The following IMMP2L variants were observed in gnomAD, a reference collection of about 807,000 sequenced individuals.
IMMP2L encodes inner mitochondrial membrane peptidase subunit 2.
IMMP2L carries 18 observed loss-of-function variants against 19.3 expected under a neutral mutation model. That is an observed-to-expected ratio of 0.93 (90% CI 0.64 to 1.38). The LOEUF (loss-of-function observed/expected upper bound fraction) is 1.38. Ranked by LOEUF, IMMP2L falls within the 40% of genes most tolerant of loss-of-function variation. The pLI is 0.00. For missense variants in IMMP2L, 233 were observed against 218.2 expected (o/e 1.07, Z -0.43); for synonymous variants, 76 against 73.0 (o/e 1.04, Z -0.21).
intron 5 of IMMP2L, among the ~76,000 whole-genome samples, chr7:110,726,289 C>T (rs1444793180): frequency 6.6e-6 from 1 of 152,176 alleles, no homozygotes; most frequent in African/African-American, 2.4e-5. Flanking sequence ...AAATATATAA[C>T]ACTCCTTTCT....
intron 3 of IMMP2L, among the ~76,000 whole-genome samples, chr7:111,067,557 C>T (rs760941866): frequency 3.3e-5 from 5 of 152,204 alleles, no homozygotes; most frequent in Non-Finnish European, 5.9e-5. Flanking sequence ...TGGAAAAGCA[C>T]ATTTGTAATT....
chr7:110,797,207 C>T (rs1446675330), intron 5 of IMMP2L, among the ~76,000 whole-genome samples: 6 of 151,772 alleles, frequency 4.0e-5, no homozygotes, highest in African/African-American at 1.2e-4. Flanking sequence ...AAAAAAAATG[C>T]TATGAAATTT....
At chr7:110,699,734 C>G (rs1338998895) in intron 5 of IMMP2L, among the ~76,000 whole-genome samples, 1 of 145,736 alleles carries the variant, frequency 6.9e-6, no homozygotes, top group Non-Finnish European at 1.5e-5. Context: ...CACCACTGCA[C>G]TTCAGTCTGG....
chr7:111,016,832 G>C lies in IMMP2L; in HGVS notation c.240-53267C>G, dbSNP rs28857791. 3.8e-3 allele frequency among the ~76,000 whole-genome samples: 181 copies of C among 48,178 alleles called. 1 individual carries two copies. Among genetic ancestry groups the C allele is most frequent in the Non-Finnish European group, 3.9e-3 (101 of 26,046 alleles). 31.6% of individuals were successfully genotyped at this position (48,178 alleles called of 152,430 possible). On this transcript the variant is annotated intron_variant, in intron 3 of 5. Transcript: ENST00000405709. Reference sequence around the variant, plus strand: ...TACTATATATTATATATAATATATAGTATATATTATATATAATATATATTA... The same window carrying C: ...TACTATATATTATATATAATATATACTATATATTATATATAATATATATTA...
chr7:111,156,079 T>A (rs982046136), intron 3 of IMMP2L, among the ~76,000 whole-genome samples: 1 of 152,130 alleles, frequency 6.6e-6, no homozygotes, highest in Non-Finnish European at 1.5e-5. Flanking sequence ...TAATTTTATA[T>A]CTACAAGATT....
chr7:110,887,108 C>A, intron 4 of IMMP2L, among the ~76,000 whole-genome samples: 1 of 151,894 alleles, frequency 6.6e-6, no homozygotes, highest in African/African-American at 2.4e-5. Context: ...TCATTTTTTT[C>A]GGTCAAACTT....
chr7:110,853,534 A>G (rs1267526928), intron 5 of IMMP2L, among the ~76,000 whole-genome samples: 1 of 152,028 alleles, frequency 6.6e-6, no homozygotes, highest in Non-Finnish European at 1.5e-5. Flanking sequence ...CAGAAATGTG[A>G]TGCCATTTTT....
chr7:111,390,215 C>G (rs1294413099), intron 3 of IMMP2L, among the ~76,000 whole-genome samples: 1 of 152,114 alleles, frequency 6.6e-6, no homozygotes, highest in Non-Finnish European at 1.5e-5. Context: ...TCAGACAGGG[C>G]AGGGGTAACT....
At chr7:110,733,061 G>C (rs79761450) in intron 5 of IMMP2L, among the ~76,000 whole-genome samples, 4,162 of 152,276 alleles carry the variant, frequency 0.027, 78 homozygotes, top group Middle Eastern at 0.075. Context: ...GATTACAGGT[G>C]TGAGCCACTG....
chr7:110,782,430 T>C (rs183475840), intron 5 of IMMP2L, among the ~76,000 whole-genome samples: 77 of 152,036 alleles, frequency 5.1e-4, no homozygotes, highest in Non-Finnish European at 7.8e-4. Context: ...TCTGACAATA[T>C]GTTGTTTGCT....
Position 111,235,817 on chromosome 7 carries a change from T to C in IMMP2L, c.239+251421A>G, listed in dbSNP as rs1008509761. On this transcript the variant is annotated intron_variant, in intron 3 of 5. Coordinates refer to ENST00000405709, the MANE Select transcript of IMMP2L (RefSeq NM_032549.4). ...TCTTCAGCAACTTGAATAACATGAA[T>C]ACTGAGGCACTTGAAATTGTCCTAC... Among the ~76,000 whole-genome samples, 3 of 152,102 alleles carry C rather than the reference T, an allele frequency of 2.0e-5. No individual in the cohort carries two copies. In the South Asian group the frequency reaches 6.2e-4, roughly 31 times the overall value.
At chr7:111,060,337 T>A (rs1356052131) in intron 3 of IMMP2L, among the ~76,000 whole-genome samples, 1 of 152,238 alleles carries the variant, frequency 6.6e-6, no homozygotes, top group African/African-American at 2.4e-5. Flanking sequence ...AGAAACCACA[T>A]TATTTTACAT....
chr7:111,121,218 G>A (rs1305677779), intron 3 of IMMP2L, among the ~76,000 whole-genome samples: 1 of 152,042 alleles, frequency 6.6e-6, no homozygotes, highest in Non-Finnish European at 1.5e-5. Flanking sequence ...TTTTTTTCTT[G>A]TAAATTTGTT....
chr7:111,526,293 G>C (rs1472532414), intron 1 of IMMP2L, among the ~76,000 whole-genome samples: 1 of 152,004 alleles, frequency 6.6e-6, no homozygotes, highest in African/African-American at 2.4e-5. Context: ...GCACATAAAA[G>C]TATTTAAAAT....
chr7:110,811,260 C>T (rs1802014950), intron 5 of IMMP2L, among the ~76,000 whole-genome samples: 1 of 152,006 alleles, frequency 6.6e-6, no homozygotes. Flanking sequence ...ATATTTTCCT[C>T]ATACAGTGGA....
intron 5 of IMMP2L, among the ~76,000 whole-genome samples, chr7:110,800,375 CTG>C (rs900152054): frequency 6.6e-6 from 1 of 152,026 alleles, no homozygotes; most frequent in African/African-American, 2.4e-5. Flanking sequence ...TGTATGTCTT[CTG>C]TTATAAGCTA....
At chr7:110,980,484 G>A (rs1166650187) in intron 3 of IMMP2L, among the ~76,000 whole-genome samples, 2 of 151,906 alleles carry the variant, frequency 1.3e-5, no homozygotes, top group Admixed American at 6.6e-5. Flanking sequence ...CCAGAGTGCT[G>A]GGATTACAAG....
chr7:111,540,562 G>A (rs937771162), intron 1 of IMMP2L, among the ~76,000 whole-genome samples: 43 of 152,086 alleles, frequency 2.8e-4, no homozygotes, highest in African/African-American at 9.2e-4. Context: ...TAACCCACAA[G>A]GCCCTCTTCC....
chr7:111,300,476 G>A, intron 3 of IMMP2L, among the ~76,000 whole-genome samples: 1 of 152,104 alleles, frequency 6.6e-6, no homozygotes, highest in East Asian at 1.9e-4. Context: ...TAGCCACATT[G>A]TCATAGTAGT....
Sources: gnomAD v4.1 joint callset for allele counts (sites outside exome capture counted in the v4.1 genomes callset) on GRCh38, gnomAD v4.1.1 for gene constraint, MANE v1.5 for transcripts, NCBI Gene and HGNC (gene_info 2026-07-23, HGNC 2026-07-21) for gene names.